ANKDD1B: variants seen among roughly 807,000 people sequenced by gnomAD.
ANKDD1B encodes the protein ankyrin repeat and death domain containing 1B.
ANKDD1B carries 57 observed loss-of-function variants against 59.7 expected under a neutral mutation model. The observed-to-expected ratio is 0.95, with a 90% CI of 0.77 to 1.19. ANKDD1B has a LOEUF of 1.19. Ranked by LOEUF, ANKDD1B falls within the 50% of genes most tolerant of loss-of-function variation. The pLI is 0.00. For missense variants in ANKDD1B, 602 were observed against 641.9 expected (o/e 0.94, Z 0.67); for synonymous variants, 216 against 239.5 (o/e 0.90, Z 0.91).
intron 5 of ANKDD1B, among the ~76,000 whole-genome samples, chr5:75,626,795 G>T (rs373634212): frequency 0.02 from 2,946 of 144,436 alleles, 44 homozygotes; most frequent in Non-Finnish European, 0.029. Flanking sequence ...TTTTTTTTTT[G>T]TTTGTTTGTT....
intron 7 of ANKDD1B, among the ~76,000 whole-genome samples, chr5:75,636,486 C>T (rs544874535): frequency 6.6e-6 from 1 of 152,172 alleles, no homozygotes; most frequent in South Asian, 2.1e-4. Flanking sequence ...GGCAGACAGA[C>T]GATGAAAGGC....
intron 1 of ANKDD1B, 136 bp from the exon 2 acceptor site, chr5:75,616,668 G>C (rs558935151): frequency 4.2e-6 from 2 of 481,578 alleles, no homozygotes; most frequent in Admixed American, 7.0e-5. Flanking sequence ...ATATTGAAGC[G>C]AAGTTCCCAT....
chr5:75,648,356 G>T (rs1774715774), intron 7 of ANKDD1B, among the ~76,000 whole-genome samples: 1 of 151,480 alleles, frequency 6.6e-6, no homozygotes, highest in African/African-American at 2.4e-5. Flanking sequence ...TCATTACACA[G>T]GTGCCTCCTT....
intron 10 of ANKDD1B, among the ~76,000 whole-genome samples, chr5:75,661,695 A>T (rs1295838463): frequency 6.6e-6 from 1 of 152,092 alleles, no homozygotes; most frequent in African/African-American, 2.4e-5. Flanking sequence ...CCTGCTGCTT[A>T]GTGGACTAGA....
rs1775319336 is a variant in ANKDD1B at position 75,666,858 on chromosome 5, CTG to C, written c.1259_1260del (p.Leu420ArgfsTer21). On this transcript the variant is annotated frameshift_variant, in exon 12 of 14. Coordinates refer to ENST00000601380, the MANE Select transcript of ANKDD1B (RefSeq NM_001276713.2). LOFTEE classifies it high-confidence loss of function. ...FTLTFKQDHS[L>X]ETRHIRTLLW... is the part of the protein sequence containing the mutation. Reference sequence around the variant, plus strand: ...TCTGACATTCAAGCAAGATCACAGTCTGGAGACCAGACACATTCGCACGCTTC... The same window carrying C: ...TCTGACATTCAAGCAAGATCACAGTCGAGACCAGACACATTCGCACGCTTC... The C allele has an allele frequency of 2.6e-6, 4 of 1,536,050 alleles. No individual in the cohort carries two copies. The highest frequency in any genetic ancestry group is 3.5e-6 in the Non-Finnish European group (4 of 1,146,862).
At chr5:75,619,497 A>G (rs1773792768) in intron 2 of ANKDD1B, among the ~76,000 whole-genome samples, 1 of 152,126 alleles carries the variant, frequency 6.6e-6, no homozygotes, top group Non-Finnish European at 1.5e-5. Flanking sequence ...TTTTGAGAGT[A>G]TCTCTTATTA....
intron 6 of ANKDD1B, chr5:75,635,346 C>T (rs1774271496): frequency 1.4e-5 from 3 of 216,664 alleles, no homozygotes; most frequent in Non-Finnish European, 9.2e-6. Context: ...ACGTCCATAT[C>T]TATATGTACA....
chr5:75,637,440 C>T lies in ANKDD1B; in HGVS notation c.798+1558C>T, dbSNP rs544028578. 2.9e-3 allele frequency among the ~76,000 whole-genome samples: 434 copies of T among 151,540 alleles called. 1 individual carries two copies. Among genetic ancestry groups the T allele is most frequent in the African/African-American group, 0.01 (416 of 41,092 alleles). ...AGGTCAGTGGGGTCCTCTTGGATTT[C>T]ACAGTTTAATGTTCTGATCATTTCT... On this transcript the variant is annotated intron_variant, in intron 7 of 13. Transcript: ENST00000601380.
intron 13 of ANKDD1B, 52 bp downstream of exon 13, chr5:75,669,435 A>C: frequency 8.1e-7 from 1 of 1,227,048 alleles, no homozygotes; most frequent in Non-Finnish European, 1.0e-6. Context: ...AATTTCAGGA[A>C]GCAGTCTACA....
At chr5:75,623,949 G>A (rs1402752518) in intron 3 of ANKDD1B, among the ~76,000 whole-genome samples, 1 of 152,130 alleles carries the variant, frequency 6.6e-6, no homozygotes, top group Non-Finnish European at 1.5e-5. Flanking sequence ...AATGCAACTT[G>A]GGGGCAGCCA....
At chr5:75,632,755 A>G (rs1299589156) in intron 5 of ANKDD1B, among the ~76,000 whole-genome samples, 3 of 152,134 alleles carry the variant, frequency 2.0e-5, no homozygotes, top group African/African-American at 7.2e-5. Context: ...TGAGTTATGT[A>G]CCCCCATATA....
intron 12 of ANKDD1B, among the ~76,000 whole-genome samples, chr5:75,668,585 T>C (rs752989818): frequency 1.3e-5 from 2 of 152,216 alleles, no homozygotes; most frequent in Non-Finnish European, 2.9e-5. Flanking sequence ...TGTCTGCTCC[T>C]GCACACTCTC....
At chr5:75,658,200 GA>G (rs11303220) in intron 9 of ANKDD1B, among the ~76,000 whole-genome samples, 29,181 of 151,848 alleles carry the variant, frequency 0.19, 3,126 homozygotes, top group East Asian at 0.39. Context: ...CTGTCTCTAA[GA>G]AAAAAATTAA....
At position 75,649,462 on chromosome 5, in the gene ANKDD1B, G is replaced by A. The variant is rs141195058; in HGVS notation, c.799-3680G>A. Among the ~76,000 whole-genome samples, 189 of 152,056 alleles carry A rather than the reference G, an allele frequency of 1.2e-3. 1 individual carries two copies. The highest frequency in any genetic ancestry group is 4.0e-3 in the African/African-American group (166 of 41,468). On this transcript the variant is annotated intron_variant, in intron 7 of 13. Coordinates refer to ENST00000601380, the MANE Select transcript of ANKDD1B (RefSeq NM_001276713.2). ...AATTTTGTGGTTTTCTTTTGGTATC[G>A]TGGAACCAATAATTTTTTTATGTTT...
intron 7 of ANKDD1B, among the ~76,000 whole-genome samples, chr5:75,651,924 C>T (rs1198604897): frequency 6.6e-6 from 1 of 152,152 alleles, no homozygotes; most frequent in Admixed American, 6.5e-5. Flanking sequence ...CTTGCTGTAT[C>T]CTCACATGGC....
At chr5:75,627,176 G>T (rs541763049) in intron 5 of ANKDD1B, among the ~76,000 whole-genome samples, 1 of 152,286 alleles carries the variant, frequency 6.6e-6, no homozygotes, top group East Asian at 1.9e-4. Flanking sequence ...GTGGTTTTAA[G>T]CAAGCTCTTC....
At chr5:75,670,885 G>A (rs1378882392) in intron 13 of ANKDD1B, 94 bp from the exon 14 acceptor site, 1 of 424,606 alleles carries the variant, frequency 2.4e-6, no homozygotes, top group Non-Finnish European at 4.0e-6. Context: ...TACTTCAAAG[G>A]GCTGTTGTGG....
chr5:75,663,370 AT>A (rs1194085177), intron 10 of ANKDD1B, 23 bp from the exon 11 acceptor site: 6 of 1,519,940 alleles, frequency 3.9e-6, no homozygotes, highest in South Asian at 1.2e-5. Context: ...TATCACCTGA[AT>A]TTTTTTTCTT....
intron 8 of ANKDD1B, among the ~76,000 whole-genome samples, chr5:75,653,596 T>C (rs1295831748): frequency 6.6e-6 from 1 of 152,232 alleles, no homozygotes; most frequent in East Asian, 1.9e-4. Flanking sequence ...AGAAGAGTGA[T>C]AATTTTTCTC....
Sources: allele counts gnomAD v4.1 joint callset (sites outside exome capture counted in the v4.1 genomes callset), GRCh38; gene constraint gnomAD v4.1.1; transcripts MANE v1.5; gene names NCBI Gene and HGNC (gene_info 2026-07-23, HGNC 2026-07-21).